STAMBPL1: variants seen among roughly 807,000 people sequenced by gnomAD.
The protein encoded by STAMBPL1 is STAM binding protein like 1, also known as AMSH-like protease.
STAMBPL1 carries 44 observed loss-of-function variants against 52.9 expected under a neutral mutation model. That is an observed-to-expected ratio of 0.83 (90% CI 0.65 to 1.07). The LOEUF (loss-of-function observed/expected upper bound fraction) is 1.07, where lower values mean the gene tolerates loss of function less well. Among genes scored for constraint, STAMBPL1 ranks in the 50% least tolerant of loss-of-function variants. STAMBPL1 has a pLI of 0.00. For missense variants in STAMBPL1, 511 were observed against 520.8 expected, an observed-to-expected ratio of 0.98 and a Z score of 0.18; for synonymous variants, 164 against 177.3, an observed-to-expected ratio of 0.92 and a Z score of 0.60.
intron 1 of STAMBPL1, among the ~76,000 whole-genome samples, chr10:88,894,586 T>A (rs182969444): frequency 6.6e-6 from 1 of 152,352 alleles, no homozygotes; most frequent in East Asian, 1.9e-4. Flanking sequence ...ACTTTCATTC[T>A]GTAAATAATC....
At position 88,905,641 on chromosome 10, in the gene STAMBPL1, C is replaced by T. The variant is rs750111504; in HGVS notation, c.229C>T (p.Leu77Phe). Reference protein sequence around the residue: ...EEGNLENAFVLYNKFITLFVE... With the variant: ...EEGNLENAFVFYNKFITLFVE... ...AGGAAATTTGGAAAATGCCTTTGTT[C>T]TTTATAATAAATTTATAACGTAAGT... The change falls in exon 3 of 11, where the codon CTT becomes TTT. Residue 77 changes from leucine to phenylalanine, a missense_variant. Physicochemically the swap from Leu to Phe is conservative, Grantham distance 22. Coordinates refer to ENST00000371926, the MANE Select transcript of STAMBPL1 (RefSeq NM_020799.4). The T allele has an allele frequency of 1.7e-5, 27 of 1,613,426 alleles. No individual in the cohort carries two copies. The highest frequency in any genetic ancestry group is 2.3e-5 in the Non-Finnish European group (27 of 1,179,690).
chr10:88,923,235 A>G lies in STAMBPL1; in HGVS notation c.*11A>G, dbSNP rs1462636020. 2 of 1,596,862 alleles carry G rather than the reference A, an allele frequency of 1.3e-6. No individual in the cohort carries two copies. Among genetic ancestry groups the G allele is most frequent in the Non-Finnish European group, 1.7e-6 (2 of 1,175,302 alleles). On this transcript the variant is annotated 3_prime_UTR_variant, in exon 11 of 11. Coordinates refer to ENST00000371926, the MANE Select transcript of STAMBPL1 (RefSeq NM_020799.4). The stretch of plus-strand genomic sequence containing the variant: ...TTGGATCTGAGGTGATATGTTCTGA[A>G]TGTAAGCACCGTCAACATCAGACAC...
chr10:88,899,029 G>GAATC (rs1844879735), intron 1 of STAMBPL1, among the ~76,000 whole-genome samples: 3 of 152,198 alleles, frequency 2.0e-5, no homozygotes, highest in Non-Finnish European at 4.4e-5. Context: ...AGAAGCTGTA[G>GAATC]AATCCCCTGT....
intron 6 of STAMBPL1, among the ~76,000 whole-genome samples, chr10:88,914,062 C>T (rs917370138): frequency 5.3e-5 from 8 of 152,218 alleles, no homozygotes; most frequent in Non-Finnish European, 2.9e-5. Flanking sequence ...TTGAAATGAG[C>T]GATAATAGGC....
intron 9 of STAMBPL1, among the ~76,000 whole-genome samples, chr10:88,922,078 C>T (rs111915108): frequency 9.2e-5 from 14 of 152,258 alleles, no homozygotes; most frequent in African/African-American, 3.4e-4. Flanking sequence ...TTTGGCCTTT[C>T]CTCTGGGGTC....
chr10:88,902,647 T>G (rs370641233), intron 2 of STAMBPL1, among the ~76,000 whole-genome samples: 1 of 152,202 alleles, frequency 6.6e-6, no homozygotes, highest in East Asian at 1.9e-4. Flanking sequence ...CTCGGCTCAC[T>G]GCAAGCCCCA....
Position 88,905,649 on chromosome 10 carries a change from T to C in STAMBPL1, c.237T>C (p.Asn79=), listed in dbSNP as rs1387588928. 4 of 1,612,774 alleles carry C rather than the reference T, an allele frequency of 2.5e-6. No homozygotes were observed. Among genetic ancestry groups the C allele is most frequent in the African/African-American group, 2.7e-5 (2 of 74,894 alleles). ...TGGAAAATGCCTTTGTTCTTTATAA[T>C]AAATTTATAACGTAAGTGTTTTAAA... ...GNLENAFVLY[N]KFITLFVEKL... The change falls in exon 3 of 11, where the codon AAT becomes AAC. Residue 79 remains asparagine, a synonymous_variant. Transcript: ENST00000371926.
chr10:88,908,815 C>A (rs1386359747), intron 4 of STAMBPL1, 38 bp downstream of exon 4: 2 of 1,499,242 alleles, frequency 1.3e-6, no homozygotes, highest in South Asian at 1.2e-5. Context: ...GAATCAAATG[C>A]TCCATAAGTA....
At chr10:88,903,783 A>C (rs1443652073) in intron 2 of STAMBPL1, among the ~76,000 whole-genome samples, 1 of 152,234 alleles carries the variant, frequency 6.6e-6, no homozygotes, top group African/African-American at 2.4e-5. Context: ...CAAAGTTCAG[A>C]AACTCCAATT....
At chr10:88,910,326 C>T (rs764661822) in intron 4 of STAMBPL1, among the ~76,000 whole-genome samples, 10 of 152,078 alleles carry the variant, frequency 6.6e-5, no homozygotes, top group Non-Finnish European at 1.5e-4. Context: ...GGTAGTTGGA[C>T]TATATAAGAA....
intron 6 of STAMBPL1, 118 bp from the exon 7 acceptor site, chr10:88,914,416 C>G: frequency 1.5e-6 from 1 of 677,176 alleles, no homozygotes; most frequent in Non-Finnish European, 2.2e-6. Context: ...GAAAGTGGAA[C>G]ACCTGATACT....
At chr10:88,903,856 T>G (rs945512755) in intron 2 of STAMBPL1, among the ~76,000 whole-genome samples, 2 of 152,236 alleles carry the variant, frequency 1.3e-5, no homozygotes, top group African/African-American at 4.8e-5. Context: ...TGGTTCTTAC[T>G]TAATGAAGCC....
At chr10:88,892,467 G>A (rs56044693) in intron 1 of STAMBPL1, among the ~76,000 whole-genome samples, 3 of 152,232 alleles carry the variant, frequency 2.0e-5, no homozygotes, top group Admixed American at 6.5e-5. Context: ...TCCAAATCAG[G>A]GGGATGTCAG....
At chr10:88,908,051 A>T (rs1489940716) in intron 3 of STAMBPL1, among the ~76,000 whole-genome samples, 1 of 152,224 alleles carries the variant, frequency 6.6e-6, no homozygotes, top group East Asian at 1.9e-4. Context: ...TCAGTGCATA[A>T]AAAAGAGAAT....
At chr10:88,890,463 C>A (rs1004896892) in intron 1 of STAMBPL1, among the ~76,000 whole-genome samples, 14 of 152,170 alleles carry the variant, frequency 9.2e-5, no homozygotes, top group African/African-American at 3.4e-4. Context: ...AGGAGCCTCC[C>A]CGCAAAGACG....
chr10:88,914,228 A>G (rs543714591), intron 6 of STAMBPL1, among the ~76,000 whole-genome samples: 69 of 152,310 alleles, frequency 4.5e-4, no homozygotes, highest in African/African-American at 1.6e-3. Flanking sequence ...CAGCCTATGC[A>G]TTTAACCCTA....
At chr10:88,882,492 A>G (rs1013391202) in intron 1 of STAMBPL1, 1 of 152,254 alleles carries the variant, frequency 6.6e-6, no homozygotes, top group African/African-American at 2.4e-5. Flanking sequence ...ATTTACAGCT[A>G]CAATCCAAGA....
intron 7 of STAMBPL1, 60 bp downstream of exon 7, chr10:88,914,718 T>C: frequency 1.3e-6 from 1 of 777,314 alleles, no homozygotes. Context: ...CTTTTAATAG[T>C]ACTAGATTTC....
intron 1 of STAMBPL1, among the ~76,000 whole-genome samples, chr10:88,889,742 C>A (rs920693397): frequency 2.0e-5 from 3 of 152,198 alleles, no homozygotes; most frequent in African/African-American, 7.2e-5. Flanking sequence ...CCACAGTAGT[C>A]ATCAAAATCA....
Sources: allele counts gnomAD v4.1 joint callset (sites outside exome capture counted in the v4.1 genomes callset), GRCh38; gene constraint gnomAD v4.1.1; transcripts MANE v1.5; gene names NCBI Gene and HGNC (gene_info 2026-07-23, HGNC 2026-07-21).